The following SKP1 variants were observed in gnomAD, a reference collection of about 807,000 sequenced individuals.
The protein encoded by SKP1 is S-phase kinase-associated protein 1.
A neutral mutation model predicts 21.5 loss-of-function variants in SKP1; 1 was observed. The observed-to-expected ratio is 0.05, with a 90% CI of 0.02 to 0.22. The LOEUF (loss-of-function observed/expected upper bound fraction) is 0.22. Among genes scored for constraint, SKP1 ranks in the 10% least tolerant of loss-of-function variants. The probability of loss-of-function intolerance (pLI) is 1.00; values close to 1 mark genes in which losing one functional copy is unlikely to be tolerated. For missense variants in SKP1, 70 were observed against 192.0 expected (o/e 0.36, Z 3.76); for synonymous variants, 59 against 59.3 (o/e 0.99, Z 0.03).
At chr5:134,167,672 C>T (rs1469020065) in intron 2 of SKP1, among the ~76,000 whole-genome samples, 8 of 152,060 alleles carry the variant, frequency 5.3e-5, no homozygotes, top group African/African-American at 1.7e-4. Flanking sequence ...TATAGGCACC[C>T]GCCACCACGC....
intron 2 of SKP1, chr5:134,173,539 T>C: frequency 2.8e-6 from 1 of 357,522 alleles, no homozygotes; most frequent in Non-Finnish European, 5.5e-6. Flanking sequence ...CAGAGCTCAC[T>C]CCCTCCACTG....
rs548649739 is a variant in SKP1 at position 134,173,861 on chromosome 5, T to C, written c.97+65A>G. ...TATGACAGGCTGCTGCTCATATAAA[T>C]TTGATATTCACAAACTATCTCAAAT... On this transcript the variant is annotated intron_variant, in intron 2 of 5. Transcript: ENST00000353411. 1.0e-5 allele frequency: 9 copies of C among 897,300 alleles called. No homozygotes were observed. In the East Asian group the frequency reaches 1.9e-4, roughly 19 times the overall value. The allele number at this position is 897,300 out of a possible 1,614,324, so 55.6% of individuals were successfully genotyped here.
In SKP1 at chr5:134,152,712, T is replaced by G. The variant is rs1761062042; in HGVS notation, c.*5021A>C. On this transcript the variant is annotated 3_prime_UTR_variant, in exon 6 of 6. Coordinates refer to ENST00000353411, the MANE Select transcript of SKP1 (RefSeq NM_170679.3). ...ATGTGCCACCACGCCCAGCTAATTTTTGTATTTTTAGTAGAGATGAGGTTT... is the reference window on the plus strand; with the variant it reads ...ATGTGCCACCACGCCCAGCTAATTTGTGTATTTTTAGTAGAGATGAGGTTT... The G allele has an allele frequency of 6.6e-6, 1 of 152,254 alleles. No individual in the cohort carries two copies. Among genetic ancestry groups the G allele is most frequent in the Non-Finnish European group, 1.5e-5 (1 of 68,078 alleles). 9.4% of individuals were successfully genotyped at this position (152,254 alleles called of 1,614,324 possible). A position where few individuals can be genotyped will look rare whatever the true frequency, so the allele number is the denominator to read the frequency against.
At chr5:134,159,571 G>A (rs1462634751) in intron 4 of SKP1, among the ~76,000 whole-genome samples, 5 of 145,812 alleles carry the variant, frequency 3.4e-5, no homozygotes, top group African/African-American at 2.6e-5. Flanking sequence ...TTTTTGAGAC[G>A]AAGTCTCGCT....
In SKP1 at chr5:134,151,435, G is replaced by C. The variant is rs1761041491; in HGVS notation, c.*6298C>G. 4.0e-6 allele frequency: 1 copy of C among 249,208 alleles called. No homozygotes were observed. The highest frequency in any genetic ancestry group is 2.2e-5 in the African/African-American group (1 of 45,094). The allele number at this position is 249,208 out of a possible 1,614,324, so 15.4% of individuals were successfully genotyped here. On this transcript the variant is annotated 3_prime_UTR_variant, in exon 6 of 6. Coordinates refer to ENST00000353411, the MANE Select transcript of SKP1 (RefSeq NM_170679.3). ...TAAGCTTCCTGGAACAGAAAAATCT[G>C]CAAAGCAACTGAAGAAGGCAGTTAG...
chr5:134,170,951 C>G (rs139234707), intron 2 of SKP1: 1 of 447,748 alleles, frequency 2.2e-6, no homozygotes, highest in Non-Finnish European at 4.5e-6. Flanking sequence ...CCTTACTCAC[C>G]TGCCTTTTAG....
Position 134,156,670 on chromosome 5 carries a change from A to C in SKP1, c.*1063T>G, listed in dbSNP as rs1761126048. The C allele has an allele frequency of 6.6e-6, 1 of 152,250 alleles. No individual in the cohort carries two copies. The highest frequency in any genetic ancestry group is 1.5e-5 in the Non-Finnish European group (1 of 68,048). The allele number at this position is 152,250 out of a possible 1,614,324, so 9.4% of individuals were successfully genotyped here. The stretch of plus-strand genomic sequence containing the variant: ...GGAGGGAAGCTGGAAACAATGGCAG[A>C]GTAATTTTGTGTTAAGAATTAAAGT... On this transcript the variant is annotated 3_prime_UTR_variant, in exon 6 of 6. Coordinates refer to ENST00000353411, the MANE Select transcript of SKP1 (RefSeq NM_170679.3).
intron 2 of SKP1, among the ~76,000 whole-genome samples, chr5:134,168,720 T>C (rs1225458037): frequency 6.6e-6 from 1 of 152,014 alleles, no homozygotes; most frequent in East Asian, 1.9e-4. Flanking sequence ...TGCCAACAGA[T>C]GGCAAGTAGA....
rs1312695127 is a variant in SKP1 at position 134,170,000 on chromosome 5, CAAAA to C, written c.98-2761_98-2758del. Among the ~76,000 whole-genome samples the C allele has an allele frequency of 2.5e-4, 19 of 76,910 alleles. No individual in the cohort carries two copies. The South Asian group carries it at 4.2e-3, about 17-fold the overall frequency. The allele number at this position is 76,910 out of a possible 152,430, so 50.5% of individuals were successfully genotyped here. On this transcript the variant is annotated intron_variant, in intron 2 of 5. Transcript: ENST00000353411. ...TGGGTGACAGAGTGAGACTCCATCT[CAAAA>C]AAAAAAAAAAAAAAATTAGCTGGGT... is the stretch of plus-strand genomic sequence containing the variant.
intron 4 of SKP1, among the ~76,000 whole-genome samples, chr5:134,158,842 G>A (rs1438761304): frequency 6.6e-6 from 1 of 152,008 alleles, no homozygotes; most frequent in Non-Finnish European, 1.5e-5. Context: ...GTGAAATAAC[G>A]GCCACTACTG....
intron 3 of SKP1, 41 bp from the exon 4 acceptor site, chr5:134,161,171 C>G (rs955936602): frequency 6.5e-7 from 1 of 1,549,042 alleles, no homozygotes; most frequent in Non-Finnish European, 8.8e-7. Flanking sequence ...CACTTTGTCA[C>G]AAGGTACTCA....
In SKP1 at chr5:134,149,731, A is replaced by T. The variant is rs1249564147; in HGVS notation, c.*8002T>A. 2.6e-5 allele frequency: 4 copies of T among 151,738 alleles called. No homozygotes were observed. The highest frequency in any genetic ancestry group is 7.3e-5 in the African/African-American group (3 of 41,150). 9.4% of individuals were successfully genotyped at this position (151,738 alleles called of 1,614,324 possible). A position where few individuals can be genotyped will look rare whatever the true frequency, so the allele number is the denominator to read the frequency against. ...CTACATTCTAACCAGGGCTTATGCA[A>T]GACCAGGTTGCTGCATCTGATTTGG... On this transcript the variant is annotated 3_prime_UTR_variant, in exon 6 of 6. Coordinates refer to ENST00000353411, the MANE Select transcript of SKP1 (RefSeq NM_170679.3).
At chr5:134,169,550 C>T (rs182086824) in intron 2 of SKP1, among the ~76,000 whole-genome samples, 23 of 152,286 alleles carry the variant, frequency 1.5e-4, no homozygotes, top group Admixed American at 5.2e-4. Context: ...TAATTTGGAA[C>T]GAGGCTTAAC....
intron 2 of SKP1, among the ~76,000 whole-genome samples, chr5:134,170,495 C>T (rs973925256): frequency 2.0e-5 from 3 of 152,206 alleles, no homozygotes; most frequent in Admixed American, 2.0e-4. Context: ...CCAAGAGTCT[C>T]ACTTCTGATT....
intron 3 of SKP1, among the ~76,000 whole-genome samples, chr5:134,162,412 GTTTTAA>G (rs1181906951): frequency 4.6e-5 from 7 of 152,150 alleles, no homozygotes; most frequent in Non-Finnish European, 8.8e-5. Context: ...TTTTGTTTTC[GTTTTAA>G]TTTTGAGACT....
chr5:134,171,020 G>C (rs968194138), intron 2 of SKP1: 7 of 455,908 alleles, frequency 1.5e-5, no homozygotes, highest in African/African-American at 1.4e-4. Flanking sequence ...TCATTCAATA[G>C]GTACTTGATG....
Position 134,154,080 on chromosome 5 carries a change from A to G in SKP1, c.*3653T>C, listed in dbSNP as rs1447378205. The stretch of plus-strand genomic sequence containing the variant: ...ATATAAGAACTGTAAAGCAGTATCT[A>G]TTTTGTATACCAAGAATAGATTAAG... On this transcript the variant is annotated 3_prime_UTR_variant, in exon 6 of 6. Coordinates refer to ENST00000353411, the MANE Select transcript of SKP1 (RefSeq NM_170679.3). The G allele has an allele frequency of 6.6e-6, 1 of 152,228 alleles. No individual in the cohort carries two copies. The highest frequency in any genetic ancestry group is 1.5e-5 in the Non-Finnish European group (1 of 68,038). The allele number at this position is 152,228 out of a possible 1,614,324, so 9.4% of individuals were successfully genotyped here. A position where few individuals can be genotyped will look rare whatever the true frequency, so the allele number is the denominator to read the frequency against.
intron 2 of SKP1, chr5:134,173,705 T>G (rs894510563): frequency 1.6e-6 from 1 of 630,984 alleles, no homozygotes; most frequent in Non-Finnish European, 3.0e-6. Context: ...TTTTACCTTA[T>G]GATTTTATCC....
At chr5:134,157,963 G>A in intron 5 of SKP1, 195 bp from the exon 6 acceptor site, 1 of 1,520,884 alleles carries the variant, frequency 6.6e-7, no homozygotes, top group Non-Finnish European at 8.8e-7. Flanking sequence ...CTGCCCTGCT[G>A]AAATTATGAA....
Sources: gnomAD v4.1 joint callset for allele counts (sites outside exome capture counted in the v4.1 genomes callset) on GRCh38, gnomAD v4.1.1 for gene constraint, MANE v1.5 for transcripts, NCBI Gene and HGNC (gene_info 2026-07-23, HGNC 2026-07-21) for gene names.